TRAF3IP2: variants seen among roughly 807,000 people sequenced by gnomAD.
TRAF3IP2 encodes E3 ubiquitin ligase TRAF3IP2.
A neutral mutation model predicts 57.9 loss-of-function variants in TRAF3IP2; 35 were observed. The observed-to-expected ratio is 0.60, with a 90% CI of 0.46 to 0.80. The LOEUF is 0.80. Ranked by LOEUF, TRAF3IP2 falls within the 30% of genes least tolerant of loss-of-function variation. The pLI, the probability that TRAF3IP2 is intolerant of heterozygous loss-of-function variation, is 0.00. For synonymous variants in TRAF3IP2, 251 were observed against 268.9 expected, an observed-to-expected ratio of 0.93 and a Z score of 0.65; for missense variants, 556 against 706.4, an observed-to-expected ratio of 0.79 and a Z score of 2.41.
chr6:111,570,264 C>T (rs1405557735), intron 5 of TRAF3IP2, among the ~76,000 whole-genome samples: 4 of 152,180 alleles, frequency 2.6e-5, no homozygotes, highest in African/African-American at 9.7e-5. Flanking sequence ...GCCACCCAAT[C>T]GGTAGTACTT....
At chr6:111,598,107 T>C (rs1174521867) in intron 1 of TRAF3IP2, 2 of 340,596 alleles carry the variant, frequency 5.9e-6, no homozygotes, top group Non-Finnish European at 1.2e-5. Flanking sequence ...AGTTCCTGGC[T>C]CAGAACCCCT....
chr6:111,567,186 A>T, intron 6 of TRAF3IP2: 11 of 1,003,458 alleles, frequency 1.1e-5, no homozygotes, highest in Non-Finnish European at 1.3e-5. Flanking sequence ...CTGTCAGTGG[A>T]GAACAAATCA....
chr6:111,596,556 C>T (rs557374348), intron 1 of TRAF3IP2, among the ~76,000 whole-genome samples: 1 of 152,314 alleles, frequency 6.6e-6, no homozygotes, highest in East Asian at 1.9e-4. Context: ...CGGGTTCAAG[C>T]GATTCTCATG....
chr6:111,583,795 C>T (rs1796238827), intron 2 of TRAF3IP2, among the ~76,000 whole-genome samples: 3 of 152,196 alleles, frequency 2.0e-5, no homozygotes, highest in Admixed American at 2.0e-4. Flanking sequence ...TTCCATGAAA[C>T]TGGTCCCTAG....
intron 5 of TRAF3IP2, 48 bp from the exon 6 acceptor site, chr6:111,567,740 CAAGATGCAGAGCAG>C (rs1795699671): frequency 6.7e-7 from 1 of 1,494,828 alleles, no homozygotes; most frequent in Non-Finnish European, 9.2e-7. Flanking sequence ...GAGGTTCTCT[CAAGATGCAGAGCAG>C]AAGAAAACAC....
chr6:111,570,122 G>A (rs1405048049), intron 5 of TRAF3IP2, among the ~76,000 whole-genome samples: 2 of 152,206 alleles, frequency 1.3e-5, no homozygotes, highest in Admixed American at 6.5e-5. Context: ...GAACACAGAC[G>A]TGTCCACACA....
Position 111,591,155 on chromosome 6 carries a change from C to T in TRAF3IP2, c.829+103G>A. 1.1e-6 allele frequency: 1 copy of T among 917,166 alleles called. No homozygotes were observed. The highest frequency in any genetic ancestry group is 1.6e-6 in the Non-Finnish European group (1 of 640,616). 56.8% of individuals were successfully genotyped at this position (917,166 alleles called of 1,614,324 possible). On this transcript the variant is annotated intron_variant, in intron 2 of 8. Coordinates refer to ENST00000368761, the MANE Select transcript of TRAF3IP2 (RefSeq NM_147686.4). This position sits in a 1 kb window ranked among gnomAD's most constrained non-coding sequence, Gnocchi z 4.9. The stretch of plus-strand genomic sequence containing the variant: ...AGAAGCAGAATGCCCTCCCTGCATT[C>T]TGACCTGTTCATGCCAGCCTAGTGA...
At chr6:111,583,693 T>A (rs1254092665) in intron 2 of TRAF3IP2, among the ~76,000 whole-genome samples, 2 of 152,168 alleles carry the variant, frequency 1.3e-5, no homozygotes, top group Non-Finnish European at 1.5e-5. Context: ...TATATTACAA[T>A]GTAACAATAA....
Position 111,591,611 on chromosome 6 carries a change from G to C in TRAF3IP2, c.476C>G (p.Ser159Ter), listed in dbSNP as rs372064320. 1 of 1,614,120 alleles carries C rather than the reference G, an allele frequency of 6.2e-7. No individual in the cohort carries two copies. The highest frequency in any genetic ancestry group is 8.5e-7 in the Non-Finnish European group (1 of 1,180,048). The change falls in exon 2 of 9, where the codon TCA (serine) becomes TGA (stop). Residue 159 changes from serine to a stop codon, truncating the protein, a stop_gained. Coordinates refer to ENST00000368761, the MANE Select transcript of TRAF3IP2 (RefSeq NM_147686.4). LOFTEE classifies it high-confidence loss of function. This position sits in a 1 kb window ranked among gnomAD's most constrained non-coding sequence, Gnocchi z 4.9. ...SPDTGHDSDK[S>*]DQSLPNASAD... ...TGAGGCATTAGGTAAACTTTGGTCT[G>C]ATTTGTCTGAGTCATGGCCAGTGTC...
At chr6:111,559,619 A>C in intron 8 of TRAF3IP2, 68 bp from the exon 9 acceptor site, 1 of 1,562,308 alleles carries the variant, frequency 6.4e-7, no homozygotes, top group Non-Finnish European at 8.7e-7. Flanking sequence ...TCCCAGGCTC[A>C]GTTCCCAAAC....
intron 2 of TRAF3IP2, among the ~76,000 whole-genome samples, chr6:111,581,498 G>A (rs912446530): frequency 6.6e-6 from 1 of 152,110 alleles, no homozygotes; most frequent in African/African-American, 2.4e-5. Context: ...AAATTATTTT[G>A]ATTCTTTTAA....
At chr6:111,605,584 T>TC (rs1796995367) in intron 1 of TRAF3IP2, among the ~76,000 whole-genome samples, 192 bp downstream of exon 1, 1 of 152,186 alleles carries the variant, frequency 6.6e-6, no homozygotes, top group South Asian at 2.1e-4. Context: ...TAGCAACACA[T>TC]CCTTGCAGCA....
At chr6:111,560,133 GAGA>G (rs57581450) in intron 8 of TRAF3IP2, among the ~76,000 whole-genome samples, 8,663 of 152,234 alleles carry the variant, frequency 0.057, 426 homozygotes, top group African/African-American at 0.13. Flanking sequence ...GTATGCTGTG[GAGA>G]AGAATTAAAC....
intron 2 of TRAF3IP2, among the ~76,000 whole-genome samples, chr6:111,588,919 G>GA (rs969083975): frequency 6.6e-5 from 10 of 151,826 alleles, no homozygotes; most frequent in Admixed American, 2.6e-4. Flanking sequence ...TATATGCAAA[G>GA]AAAAAAACAC....
chr6:111,594,571 C>A, intron 1 of TRAF3IP2: 1 of 434,316 alleles, frequency 2.3e-6, no homozygotes, highest in Non-Finnish European at 4.6e-6. Context: ...GCAGTCATCT[C>A]ACATAAACTG....
At chr6:111,580,502 A>G (rs2128377908) in intron 2 of TRAF3IP2, 113 bp from the exon 3 acceptor site, 1 of 890,292 alleles carries the variant, frequency 1.1e-6, no homozygotes, top group African/African-American at 1.7e-5. Context: ...AGGGGTCCAG[A>G]TATCTGTTAC....
intron 7 of TRAF3IP2, 24 bp from the exon 8 acceptor site, chr6:111,563,063 T>G (rs778477373): frequency 1.2e-5 from 19 of 1,583,562 alleles, no homozygotes; most frequent in Non-Finnish European, 5.2e-6. Flanking sequence ...AATGTGAAGG[T>G]TTAATTTCAG....
chr6:111,558,367 A>G lies in TRAF3IP2; in HGVS notation c.*1038T>C, dbSNP rs574942845. ...ATGTAGTCAGATCCTGAGAACCATA[A>G]TCATACTATTTAGAATCATGGCTGT... On this transcript the variant is annotated 3_prime_UTR_variant, in exon 9 of 9. Coordinates refer to ENST00000368761, the MANE Select transcript of TRAF3IP2 (RefSeq NM_147686.4). 10 of 152,376 alleles carry G rather than the reference A, an allele frequency of 6.6e-5. No homozygotes were observed. In the South Asian group the frequency reaches 2.1e-3, roughly 32 times the overall value. The allele number at this position is 152,376 out of a possible 1,614,324, so 9.4% of individuals were successfully genotyped here.
At chr6:111,569,668 A>C (rs549496943) in intron 5 of TRAF3IP2, among the ~76,000 whole-genome samples, 1 of 152,142 alleles carries the variant, frequency 6.6e-6, no homozygotes, top group Non-Finnish European at 1.5e-5. Flanking sequence ...AGGCAGGAAA[A>C]TTGCTTGAGC....
Sources: gnomAD v4.1 joint callset for allele counts (sites outside exome capture counted in the v4.1 genomes callset) on GRCh38, gnomAD v4.1.1 for gene constraint, Gnocchi (gnomAD v3.1) non-coding constraint, MANE v1.5 for transcripts, NCBI Gene and HGNC (gene_info 2026-07-23, HGNC 2026-07-21) for gene names.